Variants in KHDC4 observed in about 807,000 individuals in gnomAD.
The protein encoded by KHDC4 is KH homology domain-containing protein 4.
KHDC4 carries 19 observed loss-of-function variants against 74.5 expected under a neutral mutation model. The observed-to-expected ratio is 0.26, with a 90% CI of 0.18 to 0.37. KHDC4 has a LOEUF of 0.37. Among genes scored for constraint, KHDC4 ranks in the 10% least tolerant of loss-of-function variants. The pLI is 1.00. For missense variants in KHDC4, 632 were observed against 754.1 expected (o/e 0.84, Z 1.90); for synonymous variants, 253 against 266.1 (o/e 0.95, Z 0.48).
In KHDC4 at chr1:155,933,710, C is replaced by T. The variant is rs1168034259; in HGVS notation, c.178G>A (p.Ala60Thr). The change falls in exon 2 of 14, where the codon GCT becomes ACT. Residue 60 changes from alanine to threonine, a missense_variant. Coordinates refer to ENST00000368321, the MANE Select transcript of KHDC4 (RefSeq NM_014949.4). The part of the protein sequence containing the change: ...AAPSGALDAA[A>T]AVAAKINAML... ...GCATTAATCTTGGCAGCCACAGCAG[C>T]AGCAGCATCCAAGGCTCCTGAAGGA... is the stretch of plus-strand genomic sequence containing the variant. The T allele has an allele frequency of 1.9e-6, 3 of 1,612,740 alleles. No homozygotes were observed. The highest frequency in any genetic ancestry group is 1.3e-5 in the African/African-American group (1 of 74,928).
At chr1:155,923,145 C>T (rs962323984) in intron 8 of KHDC4, among the ~76,000 whole-genome samples, 1 of 149,218 alleles carries the variant, frequency 6.7e-6, no homozygotes, top group Non-Finnish European at 1.5e-5. Context: ...GCGGAGCTTG[C>T]AGTGAGCCGA....
At chr1:155,921,143 C>T (rs1439448114) in intron 10 of KHDC4, 3 of 532,700 alleles carry the variant, frequency 5.6e-6, no homozygotes, top group Non-Finnish European at 1.0e-5. Flanking sequence ...ACCATCCCCA[C>T]TTTAAACAGC....
At chr1:155,929,686 C>T (rs192352063) in intron 3 of KHDC4, 26 bp downstream of exon 3, 1 of 1,602,876 alleles carries the variant, frequency 6.2e-7, no homozygotes, top group Admixed American at 1.8e-5. Context: ...CACCGCCCTC[C>T]CCAAAGAGTC....
chr1:155,931,404 G>C (rs1457112019), intron 2 of KHDC4, among the ~76,000 whole-genome samples: 1 of 152,020 alleles, frequency 6.6e-6, no homozygotes, highest in Non-Finnish European at 1.5e-5. Flanking sequence ...GAAGCAGGGT[G>C]GGCAACATGG....
chr1:155,926,249 T>A (rs1371895688), intron 6 of KHDC4, among the ~76,000 whole-genome samples: 4 of 151,820 alleles, frequency 2.6e-5, no homozygotes, highest in African/African-American at 9.7e-5. Flanking sequence ...ACAAACAGAA[T>A]ACCTATGGCA....
intron 6 of KHDC4, chr1:155,926,191 G>A (rs1039742872): frequency 2.0e-4 from 89 of 439,536 alleles, no homozygotes; most frequent in South Asian, 1.6e-3. Flanking sequence ...TCAATATGAA[G>A]AAATGTGTGA....
intron 8 of KHDC4, 136 bp downstream of exon 8, chr1:155,923,489 TTG>T: frequency 6.2e-6 from 4 of 640,200 alleles, no homozygotes; most frequent in East Asian, 2.7e-5. Context: ...TAGAATAAAT[TTG>T]TGTTATTTTA....
chr1:155,931,123 A>T (rs1163946247), intron 2 of KHDC4, among the ~76,000 whole-genome samples: 1 of 151,980 alleles, frequency 6.6e-6, no homozygotes, highest in African/African-American at 2.4e-5. Flanking sequence ...AGAGTTTCAG[A>T]CCAGCCTGGG....
intron 9 of KHDC4, 104 bp from the exon 10 acceptor site, chr1:155,921,732 T>C: frequency 6.8e-7 from 1 of 1,473,520 alleles, no homozygotes; most frequent in Non-Finnish European, 9.3e-7. Flanking sequence ...GAGGCATGAA[T>C]GGCTTTCCAA....
chr1:155,927,390 G>A (rs2102605956), intron 4 of KHDC4, among the ~76,000 whole-genome samples: 1 of 152,268 alleles, frequency 6.6e-6, no homozygotes, highest in East Asian at 1.9e-4. Context: ...GATCAAATCT[G>A]TTCTTATGGA....
chr1:155,928,818 G>A (rs1187009640), intron 4 of KHDC4, among the ~76,000 whole-genome samples: 3 of 151,810 alleles, frequency 2.0e-5, no homozygotes, highest in Non-Finnish European at 2.9e-5. Flanking sequence ...CAGGCGTGGT[G>A]GCAGGTGCCT....
chr1:155,931,214 C>T (rs961672753), intron 2 of KHDC4, among the ~76,000 whole-genome samples: 1 of 145,474 alleles, frequency 6.9e-6, no homozygotes, highest in East Asian at 2.0e-4. Context: ...CTCAGCTACT[C>T]AGCAGGCTGA....
In KHDC4 at chr1:155,916,724, T is replaced by C; in HGVS notation, c.1454A>G (p.His485Arg). The change falls in exon 12 of 14, where the codon CAT becomes CGT. Residue 485 changes from histidine (H) to arginine (R), a missense_variant. Physicochemically the swap from His to Arg is conservative, Grantham distance 29 (BLOSUM62 0). This residue lies in a region of KHDC4 where 254 missense variants were observed against 267.4 expected (regional missense o/e 0.95). Transcript: ENST00000368321. ...GLLGYQHGPI[H>R]MTNLGTGFSS... ...GAAGCCTGTACCTAAATTAGTCATATGAATGGGTCCATGCTATGAGCAGAA... is the reference window on the plus strand; with the variant it reads ...GAAGCCTGTACCTAAATTAGTCATACGAATGGGTCCATGCTATGAGCAGAA... 6.2e-7 allele frequency: 1 copy of C among 1,612,902 alleles called. No individual in the cohort carries two copies. Among genetic ancestry groups the C allele is most frequent in the South Asian group, 1.1e-5 (1 of 90,982 alleles).
At chr1:155,914,639 A>T in intron 13 of KHDC4, 1 of 253,888 alleles carries the variant, frequency 3.9e-6, no homozygotes, top group Admixed American at 5.1e-5. Flanking sequence ...TTAAAGAGTT[A>T]AAAGAAAAGA....
At chr1:155,927,023 G>C (rs988558738) in intron 5 of KHDC4, 81 bp downstream of exon 5, 1 of 1,421,184 alleles carries the variant, frequency 7.0e-7, no homozygotes, top group Non-Finnish European at 9.9e-7. Flanking sequence ...AGCCATCAGG[G>C]ACACTTTGCC....
chr1:155,928,518 G>A (rs748243586), intron 4 of KHDC4, among the ~76,000 whole-genome samples: 1 of 147,736 alleles, frequency 6.8e-6, no homozygotes, highest in Non-Finnish European at 1.5e-5. Flanking sequence ...ACTCAAACAC[G>A]GAATGATGGA....
intron 10 of KHDC4, among the ~76,000 whole-genome samples, chr1:155,918,470 C>T (rs1212285542): frequency 3.3e-5 from 5 of 152,080 alleles, no homozygotes; most frequent in Admixed American, 1.3e-4. Flanking sequence ...TGAGCCACTA[C>T]GCTGAGTGGG....
intron 4 of KHDC4, among the ~76,000 whole-genome samples, chr1:155,928,888 T>C (rs953900697): frequency 3.0e-4 from 45 of 149,166 alleles, no homozygotes; most frequent in African/African-American, 1.0e-3. Context: ...GGAGGCAGAG[T>C]TTGAAGTGAG....
intron 8 of KHDC4, 122 bp downstream of exon 8, chr1:155,923,505 C>T: frequency 1.4e-6 from 1 of 712,578 alleles, no homozygotes; most frequent in South Asian, 1.7e-5. Flanking sequence ...TATTTTAAGC[C>T]ACCCAACTGC....
Sources: gnomAD v4.1 joint callset for allele counts (sites outside exome capture counted in the v4.1 genomes callset) on GRCh38, gnomAD v4.1.1 for gene constraint, gnomAD v4.1.1 regional missense constraint, MANE v1.5 for transcripts, NCBI Gene and HGNC (gene_info 2026-07-23, HGNC 2026-07-21) for gene names.